Variants in MAGI3 observed in about 807,000 individuals in gnomAD.
MAGI3 encodes the protein membrane associated guanylate kinase, WW and PDZ domain containing 3.
MAGI3 carries 43 observed loss-of-function variants against 121.8 expected under a neutral mutation model. The observed-to-expected ratio is 0.35, with a 90% CI of 0.28 to 0.46. The LOEUF (loss-of-function observed/expected upper bound fraction) is 0.46, where lower values mean the gene tolerates loss of function less well. Ranked by LOEUF, MAGI3 falls within the 20% of genes least tolerant of loss-of-function variation. The pLI is 1.00. For synonymous variants in MAGI3, 553 were observed against 639.3 expected (o/e 0.86, Z 2.04); for missense variants, 1,547 against 1,797.3 (o/e 0.86, Z 2.52).
intron 1 of MAGI3, among the ~76,000 whole-genome samples, chr1:113,496,064 C>A (rs887092454): frequency 1.3e-5 from 2 of 152,160 alleles, no homozygotes; most frequent in African/African-American, 4.8e-5. Flanking sequence ...TTTCTGTGAG[C>A]TTTTTGTTTA....
At chr1:113,533,489 C>T (rs1658822306) in intron 1 of MAGI3, among the ~76,000 whole-genome samples, 1 of 152,218 alleles carries the variant, frequency 6.6e-6, no homozygotes, top group African/African-American at 2.4e-5. Flanking sequence ...GGGTAGTATG[C>T]TCACTGTCTG....
At chr1:113,571,992 C>G (rs921803691) in intron 2 of MAGI3, among the ~76,000 whole-genome samples, 3 of 152,148 alleles carry the variant, frequency 2.0e-5, no homozygotes, top group Non-Finnish European at 4.4e-5. Flanking sequence ...GAGAATGCTT[C>G]CAGCTTTTGT....
intron 8 of MAGI3, among the ~76,000 whole-genome samples, chr1:113,622,446 A>G (rs1175129992): frequency 6.6e-6 from 1 of 152,206 alleles, no homozygotes; most frequent in African/African-American, 2.4e-5. Context: ...CATCAGTTAT[A>G]AATCAAAGAC....
At chr1:113,645,283 C>G (rs1252253905) in intron 11 of MAGI3, among the ~76,000 whole-genome samples, 1 of 152,160 alleles carries the variant, frequency 6.6e-6, no homozygotes, top group African/African-American at 2.4e-5. Flanking sequence ...CTCGGCCTCC[C>G]AAAGTGCTGG....
chr1:113,556,290 A>C (rs1038821510), intron 2 of MAGI3, among the ~76,000 whole-genome samples: 1 of 152,176 alleles, frequency 6.6e-6, no homozygotes, highest in African/African-American at 2.4e-5. Context: ...AGATCAATAA[A>C]AGTGATAAAC....
rs1317057529 is a variant in MAGI3 at position 113,651,113 on chromosome 1, G to C, written c.2347G>C (p.Gly783Arg). 8 of 1,614,164 alleles carry C rather than the reference G, an allele frequency of 5.0e-6. No homozygotes were observed. In the Admixed American group the frequency reaches 6.7e-5, roughly 13 times the overall value. Residue 783 changes from glycine (G) to arginine (R), a missense_variant, in exon 14 of 21, where the codon GGG becomes CGG. By Grantham distance (125) the Gly-to-Arg change is moderately radical (BLOSUM62 -2). Transcript: ENST00000307546. ...GTGCATTGATGGAATTCCTGTTAAA[G>C]GGAAATCACACAAACAAGTCTTGGA... ...LMCIDGIPVK[G>R]KSHKQVLDLM...
intron 1 of MAGI3, among the ~76,000 whole-genome samples, chr1:113,529,986 G>A (rs748634083): frequency 1.3e-5 from 2 of 152,034 alleles, no homozygotes; most frequent in Non-Finnish European, 2.9e-5. Flanking sequence ...CAGAGAAAAT[G>A]ACTGTGTGAT....
intron 14 of MAGI3, among the ~76,000 whole-genome samples, chr1:113,652,899 A>G (rs1462979685): frequency 6.6e-6 from 1 of 152,176 alleles, no homozygotes; most frequent in African/African-American, 2.4e-5. Flanking sequence ...ATTTGTCAGG[A>G]ATTTCATATG....
intron 8 of MAGI3, among the ~76,000 whole-genome samples, chr1:113,622,120 T>TA (rs1202167881): frequency 1.3e-5 from 2 of 152,196 alleles, no homozygotes; most frequent in African/African-American, 4.8e-5. Flanking sequence ...ATAAATTTGT[T>TA]AAAAAATAGA....
chr1:113,467,791 T>C (rs1265546970), intron 1 of MAGI3, among the ~76,000 whole-genome samples: 1 of 152,162 alleles, frequency 6.6e-6, no homozygotes, highest in East Asian at 1.9e-4. Context: ...TGTCCTGGCC[T>C]CCCAACATGC....
chr1:113,673,445 A>G lies in MAGI3; in HGVS notation c.3169A>G (p.Ile1057Val). ...TCGTCTTGCTGAAGATGGTCCTGCC[A>G]TCAAAGATGGCAGAATTCATGTGAG... ...ILRLAEDGPA[I>V]KDGRIHVGDQ... Residue 1057 changes from isoleucine (I) to valine (V), a missense_variant, in exon 19 of 21, where the codon ATC becomes GTC. Physicochemically the swap from Ile to Val is conservative, Grantham distance 29. Coordinates refer to ENST00000307546, the MANE Select transcript of MAGI3 (RefSeq NM_001142782.2). 6.2e-7 allele frequency: 1 copy of G among 1,613,028 alleles called. No homozygotes were observed. Among genetic ancestry groups the G allele is most frequent in the Non-Finnish European group, 8.5e-7 (1 of 1,179,932 alleles).
intron 9 of MAGI3, among the ~76,000 whole-genome samples, chr1:113,625,785 ACTTTCAGTTTTTCCCT>A (rs1331099207): frequency 1.3e-5 from 2 of 152,088 alleles, no homozygotes; most frequent in Non-Finnish European, 2.9e-5. Flanking sequence ...CAGAGGAAGG[ACTTTCAGTTTTTCCCT>A]CATTCAGTGT....
intron 1 of MAGI3, among the ~76,000 whole-genome samples, chr1:113,472,010 T>G (rs997651477): frequency 1.3e-5 from 2 of 152,222 alleles, no homozygotes; most frequent in Non-Finnish European, 1.5e-5. Context: ...ATTGACTCCT[T>G]TATTATTACA....
At chr1:113,640,219 A>G (rs1230663) in intron 9 of MAGI3, among the ~76,000 whole-genome samples, 116,786 of 152,144 alleles carry the variant, frequency 0.77, 45,874 homozygotes, top group African/African-American at 0.91. Flanking sequence ...TTATTAAAAA[A>G]TCAAGAAACA....
At chr1:113,395,485 C>T (rs1412008817) in intron 1 of MAGI3, among the ~76,000 whole-genome samples, 2 of 151,654 alleles carry the variant, frequency 1.3e-5, no homozygotes, top group African/African-American at 4.8e-5. Context: ...AATGGGCTTA[C>T]ACCTTAGCAA....
intron 7 of MAGI3, among the ~76,000 whole-genome samples, chr1:113,617,586 C>T (rs1650557298): frequency 6.6e-6 from 1 of 152,090 alleles, no homozygotes; most frequent in African/African-American, 2.4e-5. Flanking sequence ...TACGTCTACT[C>T]TCCTCTCCCA....
At chr1:113,449,899 T>G in intron 1 of MAGI3, 1 of 1,522,390 alleles carries the variant, frequency 6.6e-7, no homozygotes, top group Non-Finnish European at 9.0e-7. Flanking sequence ...GTTGAAGAGG[T>G]GGATGCAGCA....
intron 15 of MAGI3, among the ~76,000 whole-genome samples, chr1:113,654,630 A>G (rs1653369928): frequency 6.6e-6 from 1 of 152,192 alleles, no homozygotes; most frequent in African/African-American, 2.4e-5. Context: ...AATCCAGAAG[A>G]TGAATGTATT....
At chr1:113,449,108 C>T (rs1654331316) in intron 1 of MAGI3, among the ~76,000 whole-genome samples, 1 of 144,854 alleles carries the variant, frequency 6.9e-6, no homozygotes, top group Non-Finnish European at 1.5e-5. Flanking sequence ...AAGAGCAAAA[C>T]TTCATTTCAA....
Sources: allele counts gnomAD v4.1 joint callset (sites outside exome capture counted in the v4.1 genomes callset), GRCh38; gene constraint gnomAD v4.1.1; transcripts MANE v1.5; gene names NCBI Gene and HGNC (gene_info 2026-07-23, HGNC 2026-07-21).